NALCN: variants seen among roughly 807,000 people sequenced by gnomAD.
NALCN encodes the protein sodium leak channel NALCN.
Under a neutral mutation model 225.3 loss-of-function variants are expected in NALCN, and 111 were observed. The observed-to-expected ratio is 0.49, with a 90% CI of 0.42 to 0.58. NALCN has a LOEUF of 0.58. Among genes scored for constraint, NALCN ranks in the 20% least tolerant of loss-of-function variants. The pLI, the probability that NALCN is intolerant of heterozygous loss-of-function variation, is 0.00. For missense variants in NALCN, 1,378 were observed against 2,202.4 expected (o/e 0.63, Z 7.49); for synonymous variants, 764 against 769.0 (o/e 0.99, Z 0.11).
At chr13:101,336,582 ACT>A (rs2045384389) in intron 7 of NALCN, among the ~76,000 whole-genome samples, 1 of 151,962 alleles carries the variant, frequency 6.6e-6, no homozygotes, top group Non-Finnish European at 1.5e-5. Context: ...CCACATGTTA[ACT>A]CCTGTGGAGC....
In NALCN at chr13:101,337,783, T is replaced by G. The variant is rs149132941; in HGVS notation, c.799+7483A>C. On this transcript the variant is annotated intron_variant, in intron 7 of 43. Transcript: ENST00000251127. ...CCTGACAAGCCACAGGAATGAAGGT[T>G]ACTCATGGCTGGCTACTCTGGTAAC... Among the ~76,000 whole-genome samples, 347 of 152,310 alleles carry G rather than the reference T, an allele frequency of 2.3e-3. 2 individuals carry two copies. The highest frequency in any genetic ancestry group is 8.1e-3 in the African/African-American group (335 of 41,580).
intron 7 of NALCN, among the ~76,000 whole-genome samples, chr13:101,332,227 T>C (rs929156663): frequency 1.3e-5 from 2 of 151,914 alleles, no homozygotes; most frequent in Non-Finnish European, 2.9e-5. Flanking sequence ...CCTTCCAGAA[T>C]TGAAGAAAGG....
At position 101,340,006 on chromosome 13, in the gene NALCN, G is replaced by A. The variant is rs541046682; in HGVS notation, c.799+5260C>T. On this transcript the variant is annotated intron_variant, in intron 7 of 43. Transcript: ENST00000251127. ...TGCCCCGGCGGGTACAGTGGCTCAC[G>A]CCTGTAATCCCAGCACTTTTGGAGG... Among the ~76,000 whole-genome samples the A allele has an allele frequency of 6.2e-4, 92 of 147,724 alleles. 1 individual carries two copies. The highest frequency in any genetic ancestry group is 2.2e-3 in the African/African-American group (86 of 39,936).
chr13:101,095,613 G>C lies in NALCN; in HGVS notation c.3230C>G (p.Pro1077Arg), dbSNP rs931945350. The C allele has an allele frequency of 9.3e-6, 15 of 1,612,954 alleles. No homozygotes were observed. The highest frequency in any genetic ancestry group is 5.1e-6 in the Non-Finnish European group (6 of 1,179,620). Residue 1077 changes from proline (P) to arginine (R), a missense_variant, in exon 28 of 44, where the codon CCT (proline) becomes CGT (arginine). By Grantham distance (103) the Pro-to-Arg change is moderately radical. Coordinates refer to ENST00000251127, the MANE Select transcript of NALCN (RefSeq NM_052867.4). ...VSKNLNLKLR[P>R]GEKKPGFWVP... The stretch of plus-strand genomic sequence containing the variant: ...CCAAAATCCAGGTTTTTTCTCTCCA[G>C]GCCTCAATTTTAAATTTAAGTTCTT...
chr13:101,296,148 A>C (rs1432109234), intron 7 of NALCN, among the ~76,000 whole-genome samples: 1 of 152,104 alleles, frequency 6.6e-6, no homozygotes, highest in Admixed American at 6.5e-5. Context: ...CAACTGTCTC[A>C]TGTCACTCGT....
At chr13:101,360,216 CT>C (rs1566615020) in intron 6 of NALCN, among the ~76,000 whole-genome samples, 3 of 146,680 alleles carry the variant, frequency 2.0e-5, no homozygotes, top group Non-Finnish European at 4.5e-5. Context: ...CTCTCTCTCT[CT>C]CTCTCTCTCT....
At chr13:101,354,271 G>T (rs113507917) in intron 6 of NALCN, among the ~76,000 whole-genome samples, 1 of 152,006 alleles carries the variant, frequency 6.6e-6, no homozygotes, top group Non-Finnish European at 1.5e-5. Context: ...TGAACCCAGC[G>T]GGTAGAGGTT....
At chr13:101,348,608 T>A (rs113027100) in intron 6 of NALCN, among the ~76,000 whole-genome samples, 3 of 152,320 alleles carry the variant, frequency 2.0e-5, no homozygotes, top group East Asian at 1.9e-4. Context: ...TATGATTTTT[T>A]AAATTAATTT....
intron 17 of NALCN, among the ~76,000 whole-genome samples, chr13:101,136,802 T>A (rs1373074647): frequency 6.6e-6 from 1 of 152,168 alleles, no homozygotes; most frequent in Non-Finnish European, 1.5e-5. Context: ...TGATTTATAA[T>A]CCTTTGGGCA....
chr13:101,153,199 G>A (rs1290955463), intron 15 of NALCN, among the ~76,000 whole-genome samples: 7 of 152,110 alleles, frequency 4.6e-5, no homozygotes, highest in African/African-American at 1.7e-4. Context: ...TAAAAAATGA[G>A]GATCTTTAGT....
At chr13:101,184,747 T>C (rs1048516046) in intron 14 of NALCN, among the ~76,000 whole-genome samples, 2 of 152,206 alleles carry the variant, frequency 1.3e-5, no homozygotes, top group African/African-American at 2.4e-5. Context: ...AGCCTTGTCA[T>C]TCACAATGGA....
intron 7 of NALCN, among the ~76,000 whole-genome samples, chr13:101,325,614 C>G (rs1165289788): frequency 2.0e-5 from 3 of 152,186 alleles, no homozygotes; most frequent in South Asian, 2.1e-4. Context: ...TGCTTCTTTT[C>G]TTTGTTCATC....
intron 10 of NALCN, among the ~76,000 whole-genome samples, chr13:101,273,005 C>T (rs2042847507): frequency 6.6e-6 from 1 of 152,212 alleles, no homozygotes; most frequent in Admixed American, 6.5e-5. Flanking sequence ...CACCTGTTAC[C>T]TCCCTCTGTT....
chr13:101,389,719 C>G (rs528595161), intron 3 of NALCN, among the ~76,000 whole-genome samples: 44 of 152,192 alleles, frequency 2.9e-4, no homozygotes, highest in Non-Finnish European at 5.9e-4. Flanking sequence ...ATGTGAACAA[C>G]AAGAAGAACA....
At chr13:101,160,803 GC>G (rs1393275525) in intron 15 of NALCN, among the ~76,000 whole-genome samples, 2 of 152,128 alleles carry the variant, frequency 1.3e-5, no homozygotes, top group Non-Finnish European at 2.9e-5. Context: ...GCATTGCGAG[GC>G]AATCAGAGAT....
chr13:101,324,514 C>A (rs1160926879), intron 7 of NALCN, among the ~76,000 whole-genome samples: 1 of 152,122 alleles, frequency 6.6e-6, no homozygotes, highest in African/African-American at 2.4e-5. Context: ...AAGTTAGATT[C>A]CTAGGTATTT....
At chr13:101,195,100 A>G (rs545917001) in intron 13 of NALCN, among the ~76,000 whole-genome samples, 129 of 152,338 alleles carry the variant, frequency 8.5e-4, no homozygotes, top group African/African-American at 2.9e-3. Flanking sequence ...AGAAGAGCCA[A>G]TTTAGTCCTC....
At chr13:101,285,354 T>C (rs1451382983) in intron 9 of NALCN, among the ~76,000 whole-genome samples, 1 of 151,834 alleles carries the variant, frequency 6.6e-6, no homozygotes, top group Non-Finnish European at 1.5e-5. Context: ...GGCTGGAGTG[T>C]AGGGGCGTGA....
At chr13:101,305,387 T>C (rs2044121923) in intron 7 of NALCN, among the ~76,000 whole-genome samples, 1 of 152,244 alleles carries the variant, frequency 6.6e-6, no homozygotes, top group Non-Finnish European at 1.5e-5. Context: ...TAATGGACGC[T>C]TATAAAATAT....
Sources: allele counts gnomAD v4.1 joint callset (sites outside exome capture counted in the v4.1 genomes callset), GRCh38; gene constraint gnomAD v4.1.1; transcripts MANE v1.5; gene names NCBI Gene and HGNC (gene_info 2026-07-23, HGNC 2026-07-21).